Variants in GSE1 observed in about 807,000 individuals in gnomAD.
GSE1 encodes genetic suppressor element 1.
GSE1 carries 32 observed loss-of-function variants against 112.6 expected under a neutral mutation model. The ratio of observed to expected loss-of-function variants is 0.28; its 90% CI spans 0.21 to 0.38. The LOEUF (loss-of-function observed/expected upper bound fraction) is 0.38. Ranked by LOEUF, GSE1 falls within the 10% of genes least tolerant of loss-of-function variation. The pLI is 1.00. For synonymous variants in GSE1, 1,115 were observed against 735.6 expected (o/e 1.52, Z -8.35); for missense variants, 2,348 against 1,699.2 (o/e 1.38, Z -6.71).
intron 15 of GSE1, 81 bp downstream of exon 15, chr16:85,671,179 A>G (rs149382379): frequency 3.2e-5 from 26 of 818,354 alleles, no homozygotes; most frequent in Non-Finnish European, 4.8e-5. Context: ...GATAAGTTTC[A>G]GAGAGGAAAT....
chr16:85,180,270 G>A (rs569264421), intron 1 of GSE1, among the ~76,000 whole-genome samples: 30 of 152,362 alleles, frequency 2.0e-4, no homozygotes, highest in Non-Finnish European at 3.8e-4. Context: ...GCCAGGGCCC[G>A]GGGCAGGTGC....
chr16:85,645,059 C>T (rs913713977), intron 2 of GSE1, among the ~76,000 whole-genome samples: 11 of 151,508 alleles, frequency 7.3e-5, no homozygotes, highest in African/African-American at 2.7e-4. Flanking sequence ...CGTGGTGCCC[C>T]GCCCTGCAGC....
At chr16:85,642,444 A>C (rs543916493) in intron 2 of GSE1, among the ~76,000 whole-genome samples, 1 of 151,106 alleles carries the variant, frequency 6.6e-6, no homozygotes, top group African/African-American at 2.4e-5. Flanking sequence ...CTGCCCCTGC[A>C]TGGTTGAAAG....
At chr16:85,210,883 G>A (rs2075213102) in intron 1 of GSE1, among the ~76,000 whole-genome samples, 1 of 152,170 alleles carries the variant, frequency 6.6e-6, no homozygotes, top group Non-Finnish European at 1.5e-5. Flanking sequence ...TCTTCTTCTG[G>A]CCAAGACCCA....
intron 1 of GSE1, among the ~76,000 whole-genome samples, chr16:85,282,070 C>G (rs1451350369): frequency 6.6e-6 from 1 of 151,888 alleles, no homozygotes; most frequent in Non-Finnish European, 1.5e-5. Flanking sequence ...CTCTGTCACC[C>G]AGGCTGTAGT....
At chr16:85,450,572 C>G (rs2049648694) in intron 2 of GSE1, among the ~76,000 whole-genome samples, 2 of 152,112 alleles carry the variant, frequency 1.3e-5, no homozygotes, top group East Asian at 3.9e-4. Flanking sequence ...CCTCAGCCTC[C>G]CAAGTAGCTG....
chr16:85,411,943 CT>C (rs36187249), intron 2 of GSE1, among the ~76,000 whole-genome samples: 5 of 9,088 alleles, frequency 5.5e-4, no homozygotes, highest in Admixed American at 4.5e-3. Context: ...CAGGGCCCCC[CT>C]GGATAATCCT....
intron 1 of GSE1, among the ~76,000 whole-genome samples, chr16:85,565,414 AAC>A: frequency 2.6e-5 from 4 of 150,970 alleles, no homozygotes; most frequent in African/African-American, 9.9e-5. Context: ...AACAAAAAAA[AAC>A]AAAAAAACCA....
intron 1 of GSE1, among the ~76,000 whole-genome samples, chr16:85,225,224 G>A (rs546579996): frequency 6.6e-6 from 1 of 152,320 alleles, no homozygotes; most frequent in Admixed American, 6.5e-5. Flanking sequence ...CAAAGCTGAA[G>A]ACACAGTTGA....
chr16:85,372,389 G>A (rs2151600587), intron 2 of GSE1, among the ~76,000 whole-genome samples: 1 of 151,544 alleles, frequency 6.6e-6, no homozygotes, highest in Non-Finnish European at 1.5e-5. Context: ...TGAGGTGGGA[G>A]GCTCACCTTA....
chr16:85,262,825 G>C (rs1056788027), intron 1 of GSE1, among the ~76,000 whole-genome samples: 1 of 152,214 alleles, frequency 6.6e-6, no homozygotes, highest in Non-Finnish European at 1.5e-5. Flanking sequence ...AAAATGTGTT[G>C]CAATGGGAGC....
intron 1 of GSE1, among the ~76,000 whole-genome samples, chr16:85,622,830 C>G (rs188505500): frequency 3.3e-5 from 5 of 152,132 alleles, no homozygotes; most frequent in Non-Finnish European, 7.3e-5. Context: ...ATGGAGTTAC[C>G]GTGTCGATGA....
intron 2 of GSE1, among the ~76,000 whole-genome samples, chr16:85,481,029 C>G (rs549933495): frequency 2.2e-4 from 34 of 152,348 alleles, no homozygotes; most frequent in Non-Finnish European, 7.3e-5. Context: ...TCTGCCCTTG[C>G]TCCCTCTCTG....
intron 1 of GSE1, among the ~76,000 whole-genome samples, chr16:85,576,694 C>T (rs767195611): frequency 1.3e-5 from 2 of 152,178 alleles, no homozygotes; most frequent in African/African-American, 4.8e-5. Context: ...GTTTTAGAAA[C>T]GCTTTTCTTT....
chr16:85,576,031 A>T (rs1437929978), intron 1 of GSE1, among the ~76,000 whole-genome samples: 1 of 150,662 alleles, frequency 6.6e-6, no homozygotes, highest in Non-Finnish European at 1.5e-5. Context: ...GAGGTTTCTT[A>T]TCCTGGGCCC....
At chr16:85,597,939 A>T (rs1390935369) in intron 1 of GSE1, among the ~76,000 whole-genome samples, 1 of 152,132 alleles carries the variant, frequency 6.6e-6, no homozygotes, top group Non-Finnish European at 1.5e-5. Context: ...TTACGGGTAG[A>T]GATCGGCCCT....
chr16:85,674,961 C>CA lies in GSE1; in HGVS notation c.*2423dup, dbSNP rs1187615668. 3 of 152,646 alleles carry CA rather than the reference C, an allele frequency of 2.0e-5. No homozygotes were observed. The highest frequency in any genetic ancestry group is 7.2e-5 in the African/African-American group (3 of 41,448). 9.5% of individuals were successfully genotyped at this position (152,646 alleles called of 1,614,324 possible). On this transcript the variant is annotated 3_prime_UTR_variant, in exon 16 of 16. Transcript: ENST00000253458. ...ATCAGAATACAAACCAGTAAGGCAACACGAATAAACTAAGAAAAAGGTAAG... is the reference window on the plus strand; with the variant it reads ...ATCAGAATACAAACCAGTAAGGCAACAACGAATAAACTAAGAAAAAGGTAAG...
At chr16:85,295,423 A>T (rs1268605400) in intron 1 of GSE1, among the ~76,000 whole-genome samples, 1 of 152,248 alleles carries the variant, frequency 6.6e-6, no homozygotes, top group Non-Finnish European at 1.5e-5. Context: ...CTGAGTGATT[A>T]TTCCACCGTG....
At chr16:85,607,907 G>A (rs1454807143), upstream of GSE1, among the ~76,000 whole-genome samples, 1 of 152,208 alleles carries the variant, frequency 6.6e-6, no homozygotes, top group East Asian at 1.9e-4. Flanking sequence ...GGCCCGGCCT[G>A]CAGGGTGGCT....
Sources: gnomAD v4.1 joint callset for allele counts (sites outside exome capture counted in the v4.1 genomes callset) on GRCh38, gnomAD v4.1.1 for gene constraint, MANE v1.5 for transcripts, NCBI Gene and HGNC (gene_info 2026-07-23, HGNC 2026-07-21) for gene names.